ARHGEF10: variants seen among roughly 807,000 people sequenced by gnomAD.
ARHGEF10 encodes Rho guanine nucleotide exchange factor 10, also known as Rho guanine nucleotide exchange factor (GEF) 10.
In ARHGEF10, 140 loss-of-function variants were observed where a neutral mutation model predicts 147.4. That is an observed-to-expected ratio of 0.95 (90% CI 0.83 to 1.09). The LOEUF (loss-of-function observed/expected upper bound fraction) is 1.09. Among genes scored for constraint, ARHGEF10 ranks in the 50% least tolerant of loss-of-function variants. The pLI is 0.00. For missense variants in ARHGEF10, 2,222 were observed against 1,752.7 expected, an observed-to-expected ratio of 1.27 and a Z score of -4.78; for synonymous variants, 902 against 695.8, an observed-to-expected ratio of 1.30 and a Z score of -4.67.
chr8:1,881,425 C>T (rs1212542306), intron 9 of ARHGEF10, among the ~76,000 whole-genome samples: 1 of 152,208 alleles, frequency 6.6e-6, no homozygotes, highest in Non-Finnish European at 1.5e-5. Context: ...TGTAGACAGG[C>T]TGTGCAGGAC....
intron 11 of ARHGEF10, among the ~76,000 whole-genome samples, chr8:1,887,149 T>C (rs1425310522): frequency 6.6e-6 from 1 of 152,198 alleles, no homozygotes; most frequent in Non-Finnish European, 1.5e-5. Flanking sequence ...GGACACACCA[T>C]GTGAGAGGAA....
intron 4 of ARHGEF10, among the ~76,000 whole-genome samples, chr8:1,862,647 G>A (rs547855000): frequency 6.6e-5 from 10 of 152,350 alleles, no homozygotes; most frequent in African/African-American, 1.7e-4. Context: ...GGACACCCCC[G>A]TGGGGGAGAC....
chr8:1,879,649 C>T (rs1297551518), intron 8 of ARHGEF10, among the ~76,000 whole-genome samples: 2 of 151,826 alleles, frequency 1.3e-5, no homozygotes, highest in African/African-American at 2.4e-5. Context: ...ACTTCCCAGG[C>T]TCAAGCAATT....
At chr8:1,866,443 ACAC>A in intron 5 of ARHGEF10, 80 bp from the exon 6 acceptor site, 1 of 1,076,788 alleles carries the variant, frequency 9.3e-7, no homozygotes, top group Middle Eastern at 2.0e-4. Flanking sequence ...ACACACACAC[ACAC>A]ACACTCTGCA....
chr8:1,875,281 G>T (rs28455123), intron 7 of ARHGEF10, among the ~76,000 whole-genome samples: 47 of 151,038 alleles, frequency 3.1e-4, no homozygotes, highest in African/African-American at 1.1e-3. Context: ...TCTAAGACAG[G>T]CTGGAGGAAC....
In ARHGEF10 at chr8:1,926,705, A is replaced by T. The variant is rs376755671; in HGVS notation, c.2697+242A>T. On this transcript the variant is annotated intron_variant, in intron 23 of 28. Coordinates refer to ENST00000349830, the MANE Select transcript of ARHGEF10 (RefSeq NM_014629.4). ...TTTCATCTAAAACATTTACCAGATA[A>T]AGTTGAGTCCAGAGACAACTAACTA... 2.4e-4 allele frequency: 140 copies of T among 574,046 alleles called. 2 individuals are homozygous for T. The highest frequency in any genetic ancestry group is 2.4e-3 in the South Asian group (123 of 50,454). The allele number at this position is 574,046 out of a possible 1,614,324, so 35.6% of individuals were successfully genotyped here.
intron 20 of ARHGEF10, 77 bp downstream of exon 20, chr8:1,923,672 T>G: frequency 3.7e-6 from 6 of 1,614,096 alleles, no homozygotes; most frequent in Non-Finnish European, 4.2e-6. Context: ...ACATGTATGT[T>G]TTTTGGTTTG....
At chr8:1,858,176 G>A (rs1223555628) in intron 3 of ARHGEF10, 61 bp downstream of exon 3, 1 of 1,532,680 alleles carries the variant, frequency 6.5e-7, no homozygotes, top group East Asian at 2.3e-5. Flanking sequence ...GAGTCCCCAG[G>A]TGGGTCCCCA....
Position 1,905,564 on chromosome 8 carries a change from T to C in ARHGEF10, c.1822-7T>C, listed in dbSNP as rs767814503. Reference sequence around the variant, plus strand: ...TGTGGTCCCTGGGCTGTGTTTTGAATGTCCAGCTTCTCAGCAGTGGAAGCC... The same window carrying C: ...TGTGGTCCCTGGGCTGTGTTTTGAACGTCCAGCTTCTCAGCAGTGGAAGCC... On this transcript the variant is annotated splice_region_variant and splice_polypyrimidine_tract_variant and intron_variant, in intron 16 of 28. Coordinates refer to ENST00000349830, the MANE Select transcript of ARHGEF10 (RefSeq NM_014629.4). The C allele has an allele frequency of 4.3e-6, 7 of 1,614,218 alleles. No homozygotes were observed. The highest frequency in any genetic ancestry group is 1.7e-5 in the Admixed American group (1 of 60,026).
chr8:1,887,447 T>C (rs111799645), intron 11 of ARHGEF10, among the ~76,000 whole-genome samples: 1,981 of 139,006 alleles, frequency 0.014, 42 homozygotes, highest in African/African-American at 0.054. Flanking sequence ...TGTGAGGAGA[T>C]ACTGAGTGGG....
chr8:1,842,104 G>A (rs1196767253), intron 1 of ARHGEF10, among the ~76,000 whole-genome samples: 1 of 151,400 alleles, frequency 6.6e-6, no homozygotes, highest in East Asian at 2.0e-4. Flanking sequence ...CGAACCACGA[G>A]GCCAGGTGCT....
intron 2 of ARHGEF10, among the ~76,000 whole-genome samples, chr8:1,852,601 C>A (rs1585268860): frequency 6.6e-6 from 1 of 152,334 alleles, no homozygotes; most frequent in African/African-American, 2.4e-5. Context: ...ATTGGATTGT[C>A]AGGTAACTTC....
chr8:1,832,428 A>G (rs1247861404), intron 1 of ARHGEF10, among the ~76,000 whole-genome samples: 2 of 150,636 alleles, frequency 1.3e-5, no homozygotes, highest in East Asian at 2.0e-4. Context: ...AGAGAGAGAC[A>G]GAGGCAGACA....
chr8:1,875,593 C>T (rs145857650), intron 7 of ARHGEF10, among the ~76,000 whole-genome samples: 4 of 152,352 alleles, frequency 2.6e-5, no homozygotes, highest in African/African-American at 9.6e-5. Flanking sequence ...TCATTTCACG[C>T]ATTTTATGGC....
At position 1,933,809 on chromosome 8, in the gene ARHGEF10, G is replaced by C. The variant is rs769359398; in HGVS notation, c.3089G>C (p.Trp1030Ser). The change falls in exon 26 of 29, where the codon TGG becomes TCG. Residue 1030 changes from tryptophan to serine, a missense_variant. Physicochemically the swap from Trp to Ser is radical, Grantham distance 177 (BLOSUM62 -3). Coordinates refer to ENST00000349830, the MANE Select transcript of ARHGEF10 (RefSeq NM_014629.4). ...ASYARAPDGS[W>S]DSEPQKVIKL... ...AATATTTTCTTTTAAGATGGATCCTGGGATTCAGAACCTCAAAAAGTGATC... is the reference window on the plus strand; with the variant it reads ...AATATTTTCTTTTAAGATGGATCCTCGGATTCAGAACCTCAAAAAGTGATC... 5 of 1,614,162 alleles carry C rather than the reference G, an allele frequency of 3.1e-6. No homozygotes were observed. The East Asian group carries it at 8.9e-5, about 29-fold the overall frequency.
intron 1 of ARHGEF10, among the ~76,000 whole-genome samples, chr8:1,830,774 A>T (rs890707684): frequency 6.6e-6 from 1 of 152,264 alleles, no homozygotes; most frequent in South Asian, 2.1e-4. Context: ...CAAGGTGGAG[A>T]AATAAGGCAT....
intron 1 of ARHGEF10, among the ~76,000 whole-genome samples, chr8:1,839,712 G>A (rs1486941858): frequency 7.0e-6 from 1 of 141,908 alleles, no homozygotes; most frequent in Non-Finnish European, 1.5e-5. Context: ...GGGACTGTCT[G>A]GTGTGGGGAC....
chr8:1,890,810 T>G (rs531417712), intron 11 of ARHGEF10, among the ~76,000 whole-genome samples: 9 of 152,020 alleles, frequency 5.9e-5, no homozygotes, highest in Non-Finnish European at 1.2e-4. Flanking sequence ...TTGACCTTTT[T>G]GTTGTATGGC....
Position 1,957,857 on chromosome 8 carries a change from G to A in ARHGEF10, c.*594G>A, listed in dbSNP as rs562236884. On this transcript the variant is annotated 3_prime_UTR_variant, in exon 29 of 29. Transcript: ENST00000349830. ...TCCAAAGTGGTATAATGTGTGTACT[G>A]TATATTTTAACAAAGTAATATTTTT... is the stretch of plus-strand genomic sequence containing the variant. 6.6e-6 allele frequency: 1 copy of A among 152,506 alleles called. No homozygotes were observed. The highest frequency in any genetic ancestry group is 2.4e-5 in the African/African-American group (1 of 41,544). 9.4% of individuals were successfully genotyped at this position (152,506 alleles called of 1,614,324 possible).
Sources: gnomAD v4.1 joint callset for allele counts (sites outside exome capture counted in the v4.1 genomes callset) on GRCh38, gnomAD v4.1.1 for gene constraint, MANE v1.5 for transcripts, NCBI Gene and HGNC (gene_info 2026-07-23, HGNC 2026-07-21) for gene names.